Variants in HPSE2 observed in about 807,000 individuals in gnomAD.
HPSE2 encodes inactive heparanase-2.
A neutral mutation model predicts 60.5 loss-of-function variants in HPSE2; 38 were observed. The ratio of observed to expected loss-of-function variants is 0.63; its 90% confidence interval spans 0.48 to 0.82. The LOEUF is 0.82. Ranked by LOEUF, HPSE2 falls within the 40% of genes least tolerant of loss-of-function variation. The pLI is 0.00. For missense variants in HPSE2, 713 were observed against 740.4 expected (o/e 0.96, Z 0.43); for synonymous variants, 295 against 293.2 (o/e 1.01, Z -0.06).
At chr10:98,541,171 C>T (rs1189108924) in intron 9 of HPSE2, among the ~76,000 whole-genome samples, 1 of 152,158 alleles carries the variant, frequency 6.6e-6, no homozygotes, top group African/African-American at 2.4e-5. Context: ...TTATGCTATC[C>T]TTATACTGCA....
intron 9 of HPSE2, among the ~76,000 whole-genome samples, chr10:98,509,981 A>G (rs1375117777): frequency 6.6e-6 from 1 of 151,970 alleles, no homozygotes; most frequent in Non-Finnish European, 1.5e-5. Flanking sequence ...GCACACACAC[A>G]CACTTTGTTA....
intron 6 of HPSE2, among the ~76,000 whole-genome samples, chr10:98,651,778 T>G (rs1167549837): frequency 1.3e-5 from 2 of 151,896 alleles, no homozygotes; most frequent in African/African-American, 4.8e-5. Flanking sequence ...AGTTCCTTTT[T>G]TTTTTTTTTC....
chr10:99,015,889 C>T lies in HPSE2; in HGVS notation c.610+128349G>A, dbSNP rs148400505. On this transcript the variant is annotated intron_variant, in intron 3 of 11. Coordinates refer to ENST00000370552, the MANE Select transcript of HPSE2 (RefSeq NM_021828.5). ...CTTCCTTTGCCCACTTTTTTATGGG[C>T]TTGTTTTTTTCCTATAAATTTGCTT... is the stretch of plus-strand genomic sequence containing the variant. Among the ~76,000 whole-genome samples the T allele has an allele frequency of 2.4e-3, 364 of 152,068 alleles. 1 individual carries two copies. Among genetic ancestry groups the T allele is most frequent in the African/African-American group, 8.6e-3 (355 of 41,518 alleles).
chr10:98,617,818 A>G (rs1243670363), intron 8 of HPSE2, among the ~76,000 whole-genome samples: 1 of 152,202 alleles, frequency 6.6e-6, no homozygotes, highest in Non-Finnish European at 1.5e-5. Context: ...CAGCATACCA[A>G]GAGTATTTGT....
At chr10:99,188,697 GT>G (rs1456176447) in intron 2 of HPSE2, among the ~76,000 whole-genome samples, 15 of 152,224 alleles carry the variant, frequency 9.9e-5, no homozygotes, top group African/African-American at 3.6e-4. Flanking sequence ...GGGAGTAAAA[GT>G]AGGACTCAAA....
intron 3 of HPSE2, among the ~76,000 whole-genome samples, chr10:99,023,674 A>T (rs1284362992): frequency 1.3e-5 from 2 of 152,232 alleles, no homozygotes; most frequent in Non-Finnish European, 2.9e-5. Context: ...AGAGAAAATA[A>T]GGGAAAAGAA....
the HPSE2 span, among the ~76,000 whole-genome samples, chr10:99,250,071 A>G: frequency 6.7e-6 from 1 of 150,292 alleles, no homozygotes; most frequent in African/African-American, 2.5e-5. Context: ...TGAAACCGGA[A>G]GGTGGAGGTC....
chr10:98,662,174 T>G (rs1240864230), intron 6 of HPSE2, among the ~76,000 whole-genome samples: 1 of 152,168 alleles, frequency 6.6e-6, no homozygotes, highest in East Asian at 1.9e-4. Context: ...ATTACAGGCA[T>G]GAGCCACTGT....
chr10:99,260,243 A>C, the HPSE2 span, among the ~76,000 whole-genome samples: 1 of 34,542 alleles, frequency 2.9e-5, no homozygotes, highest in South Asian at 1.8e-3. Context: ...AGCTCCTACA[A>C]AAAAAAAAAA....
At chr10:98,872,128 T>C (rs954107099) in intron 3 of HPSE2, among the ~76,000 whole-genome samples, 2 of 152,064 alleles carry the variant, frequency 1.3e-5, no homozygotes, top group Non-Finnish European at 2.9e-5. Flanking sequence ...TAGTACTAAA[T>C]ACTGGTCAAG....
At chr10:99,211,117 C>A (rs1472028858) in intron 2 of HPSE2, among the ~76,000 whole-genome samples, 1 of 151,192 alleles carries the variant, frequency 6.6e-6, no homozygotes, top group African/African-American at 2.4e-5. Flanking sequence ...TGTACACTAA[C>A]AATGAACTAT....
At chr10:98,666,104 CAGAA>C (rs1947355923) in intron 6 of HPSE2, among the ~76,000 whole-genome samples, 1 of 151,862 alleles carries the variant, frequency 6.6e-6, no homozygotes, top group Admixed American at 6.6e-5. Context: ...AACATGCAAA[CAGAA>C]AGCAAAAAAG....
intron 2 of HPSE2, among the ~76,000 whole-genome samples, chr10:99,156,468 T>A (rs1254442936): frequency 7.3e-6 from 1 of 136,362 alleles, no homozygotes; most frequent in Non-Finnish European, 1.6e-5. Context: ...ATAAATGTAA[T>A]CCAGCATATA....
At chr10:99,007,258 G>A (rs1172785878) in intron 3 of HPSE2, among the ~76,000 whole-genome samples, 8 of 152,142 alleles carry the variant, frequency 5.3e-5, no homozygotes, top group Admixed American at 4.6e-4. Context: ...TGGAGTCTGG[G>A]GCTGTGAGGG....
chr10:98,869,765 A>T (rs578248244), intron 3 of HPSE2, among the ~76,000 whole-genome samples: 69 of 152,260 alleles, frequency 4.5e-4, no homozygotes, highest in Non-Finnish European at 3.1e-4. Context: ...TGGACACTAA[A>T]TAAATTGTGT....
chr10:98,884,543 G>C (rs962229676), intron 3 of HPSE2, among the ~76,000 whole-genome samples: 2 of 152,058 alleles, frequency 1.3e-5, no homozygotes, highest in Admixed American at 6.6e-5. Context: ...AAAAATCTTA[G>C]GTTCTCTAAG....
At chr10:99,125,150 C>A (rs1190026507) in intron 3 of HPSE2, among the ~76,000 whole-genome samples, 1 of 152,194 alleles carries the variant, frequency 6.6e-6, no homozygotes. Flanking sequence ...ATTACACACA[C>A]ACAAAAACTT....
At chr10:98,765,807 C>A (rs955196811) in intron 3 of HPSE2, among the ~76,000 whole-genome samples, 9 of 152,042 alleles carry the variant, frequency 5.9e-5, no homozygotes, top group African/African-American at 2.2e-4. Flanking sequence ...CACGCCACTG[C>A]ACTCCAGCCT....
chr10:98,607,204 C>A (rs1945617771), intron 9 of HPSE2, among the ~76,000 whole-genome samples: 1 of 151,924 alleles, frequency 6.6e-6, no homozygotes, highest in Non-Finnish European at 1.5e-5. Flanking sequence ...CAGAGCTGAC[C>A]TTGCTCCTCG....
Sources: gnomAD v4.1 joint callset for allele counts (sites outside exome capture counted in the v4.1 genomes callset) on GRCh38, gnomAD v4.1.1 for gene constraint, MANE v1.5 for transcripts, NCBI Gene and HGNC (gene_info 2026-07-23, HGNC 2026-07-21) for gene names.